Variants in RMDN2 observed in about 807,000 individuals in gnomAD.
The protein encoded by RMDN2 is regulator of microtubule dynamics 2, also known as regulator of microtubule dynamics protein 2.
Under a neutral mutation model 52.8 loss-of-function variants are expected in RMDN2, and 61 were observed. That is an observed-to-expected ratio of 1.16 (90% CI 0.94 to 1.43). RMDN2 has a LOEUF of 1.43. Among genes scored for constraint, RMDN2 ranks in the 40% most tolerant of loss-of-function variants. The pLI is 0.00. For missense variants in RMDN2, 592 were observed against 475.3 expected (o/e 1.25, Z -2.28); for synonymous variants, 180 against 153.1 (o/e 1.18, Z -1.30).
At chr2:37,997,579 C>T (rs759332039) in intron 8 of RMDN2, 65 bp downstream of exon 8, 10 of 1,052,636 alleles carry the variant, frequency 9.5e-6, no homozygotes, top group South Asian at 2.6e-5. Context: ...TCCCTGCTGC[C>T]GTTGTCAAGG....
chr2:37,976,404 C>T (rs754225205), intron 4 of RMDN2: 11 of 152,228 alleles, frequency 7.2e-5, no homozygotes, highest in Non-Finnish European at 1.6e-4. Context: ...GAAGGCTTCT[C>T]ATTTCCAGGC....
chr2:38,003,553 T>TAGATAGAC (rs1166193943), intron 8 of RMDN2, among the ~76,000 whole-genome samples: 3 of 132,902 alleles, frequency 2.3e-5, no homozygotes, highest in Non-Finnish European at 4.8e-5. Context: ...ACCTGATAGA[T>TAGATAGAC]AGATAGATAG....
chr2:37,979,423 A>G (rs938370063), intron 4 of RMDN2, among the ~76,000 whole-genome samples: 2 of 152,220 alleles, frequency 1.3e-5, no homozygotes, highest in African/African-American at 4.8e-5. Context: ...CAGCCGTGGA[A>G]GAACGTTGGG....
chr2:38,036,238 T>A (rs1680572639), intron 10 of RMDN2: 1 of 152,136 alleles, frequency 6.6e-6, no homozygotes, highest in African/African-American at 2.4e-5. Flanking sequence ...TTCTGTGTAA[T>A]CTCGAGCAAG....
chr2:38,060,187 C>T (rs554640662), intron 10 of RMDN2, among the ~76,000 whole-genome samples: 5 of 151,714 alleles, frequency 3.3e-5, no homozygotes, highest in South Asian at 4.2e-4. Context: ...CCTCATGATC[C>T]GCCAGCCTTG....
rs78897672 is a variant in RMDN2, at chr2:38,040,584, G to A, written c.1714-26398G>A. On this transcript the variant is annotated intron_variant, in intron 10 of 10. Coordinates refer to the RMDN2 transcript ENST00000234195. Reference sequence around the variant, plus strand: ...AGAACTGTAAACATAAATTTATGTTGTTTATAAATTACGAGTCTAAGGTAT... The same window carrying A: ...AGAACTGTAAACATAAATTTATGTTATTTATAAATTACGAGTCTAAGGTAT... Among the ~76,000 whole-genome samples, 567 of 152,290 alleles carry A rather than the reference G, an allele frequency of 3.7e-3. 4 individuals are homozygous for A. Among genetic ancestry groups the A allele is most frequent in the African/African-American group, 0.013 (547 of 41,568 alleles).
intron 10 of RMDN2, among the ~76,000 whole-genome samples, chr2:38,009,220 T>G (rs1310271702): frequency 6.6e-6 from 1 of 152,216 alleles, no homozygotes; most frequent in East Asian, 1.9e-4. Context: ...TTTTTGGCGT[T>G]CTCTGTATTT....
In RMDN2 at chr2:37,977,542, G is replaced by A. The variant is rs192403400; in HGVS notation, c.730+2228G>A. Reference sequence around the variant, plus strand: ...TTCCCGGATGGGGCGGCTGCCAGGCGGAGGGGCTCCTCAGTTCCCAGATGG... The same window carrying A: ...TTCCCGGATGGGGCGGCTGCCAGGCAGAGGGGCTCCTCAGTTCCCAGATGG... On this transcript the variant is annotated intron_variant, in intron 4 of 10. Coordinates refer to ENST00000354545, the MANE Select transcript of RMDN2 (RefSeq NM_001170791.3). Among the ~76,000 whole-genome samples the A allele has an allele frequency of 3.0e-4, 45 of 150,374 alleles. 3 individuals are homozygous for A. The East Asian group carries it at 8.9e-3, about 30-fold the overall frequency.
intron 10 of RMDN2, among the ~76,000 whole-genome samples, chr2:38,007,653 T>C (rs1189301287): frequency 2.6e-5 from 4 of 152,298 alleles, no homozygotes; most frequent in East Asian, 1.9e-4. Context: ...TTTCAAAAAA[T>C]CAGCTCCTGG....
intron 2 of RMDN2, among the ~76,000 whole-genome samples, chr2:37,943,544 G>A (rs547608362): frequency 1.3e-5 from 2 of 152,246 alleles, no homozygotes; most frequent in African/African-American, 4.8e-5. Flanking sequence ...AGATAATAAA[G>A]TTGCTTTGCG....
At chr2:38,066,925 A>C in intron 10 of RMDN2, 1 of 1,596,368 alleles carries the variant, frequency 6.3e-7, no homozygotes, top group Non-Finnish European at 8.6e-7. Flanking sequence ...TCCCACGCCA[A>C]AGTTTCAATG....
At chr2:37,951,157 A>G in intron 2 of RMDN2, 2 of 1,370,800 alleles carry the variant, frequency 1.5e-6, no homozygotes, top group Non-Finnish European at 2.0e-6. Context: ...GGTGGATATT[A>G]TTCTTCAGGA....
chr2:37,970,071 T>C (rs1383679201), intron 2 of RMDN2, among the ~76,000 whole-genome samples: 3 of 152,156 alleles, frequency 2.0e-5, no homozygotes, highest in African/African-American at 4.8e-5. Flanking sequence ...TAGTTGGGAC[T>C]ACAGGTGTGG....
intron 10 of RMDN2, among the ~76,000 whole-genome samples, chr2:38,045,221 C>T (rs1199385027): frequency 6.6e-6 from 1 of 152,056 alleles, no homozygotes; most frequent in Admixed American, 6.5e-5. Flanking sequence ...TTCTGGTTTT[C>T]TTCTCTGTAT....
chr2:38,011,444 A>G (rs1677979216), intron 10 of RMDN2, among the ~76,000 whole-genome samples: 2 of 152,158 alleles, frequency 1.3e-5, no homozygotes, highest in Admixed American at 6.5e-5. Flanking sequence ...AAACACTATC[A>G]TCCTCTAAAT....
chr2:37,941,050 T>C (rs1475850339), intron 2 of RMDN2, among the ~76,000 whole-genome samples: 2 of 152,226 alleles, frequency 1.3e-5, no homozygotes, highest in Non-Finnish European at 2.9e-5. Flanking sequence ...TGGTCTTTGT[T>C]GTTGGTGACG....
chr2:37,997,047 G>A (rs564145900), intron 7 of RMDN2, among the ~76,000 whole-genome samples: 27 of 152,186 alleles, frequency 1.8e-4, no homozygotes, highest in African/African-American at 5.3e-4. Flanking sequence ...GAGATACACC[G>A]TAGTTACCTC....
rs759463391 is a variant in RMDN2, at chr2:37,975,208, T to C, written c.628-4T>C. On this transcript the variant is annotated splice_region_variant and splice_polypyrimidine_tract_variant and intron_variant, in intron 3 of 10. Transcript: ENST00000354545. Reference sequence around the variant, plus strand: ...TAACAGGCAACTCCATCTTTTCTTTTCAGTTTAGAGATGAAATAGAGTTTA... The same window carrying C: ...TAACAGGCAACTCCATCTTTTCTTTCCAGTTTAGAGATGAAATAGAGTTTA... The C allele has an allele frequency of 1.3e-6, 2 of 1,565,310 alleles. No homozygotes were observed. The highest frequency in any genetic ancestry group is 1.8e-6 in the Non-Finnish European group (2 of 1,136,238).
intron 2 of RMDN2, chr2:37,951,279 C>G: frequency 6.2e-7 from 1 of 1,605,802 alleles, no homozygotes; most frequent in Non-Finnish European, 8.5e-7. Flanking sequence ...TCCAGAAGAT[C>G]AAGTTAGTAC....
Sources: allele counts gnomAD v4.1 joint callset (sites outside exome capture counted in the v4.1 genomes callset), GRCh38; gene constraint gnomAD v4.1.1; transcripts MANE v1.5; gene names NCBI Gene and HGNC (gene_info 2026-07-23, HGNC 2026-07-21).